Variants in RGMB observed in about 807,000 individuals in gnomAD.
The protein encoded by RGMB is repulsive guidance molecule B.
In RGMB, 16 loss-of-function variants were observed where a neutral mutation model predicts 26.9. That is an observed-to-expected ratio of 0.60 (90% CI 0.40 to 0.90). The LOEUF (loss-of-function observed/expected upper bound fraction) is 0.90, where lower values mean the gene tolerates loss of function less well. Among genes scored for constraint, RGMB ranks in the 40% least tolerant of loss-of-function variants. RGMB has a pLI of 0.00. For missense variants in RGMB, 512 were observed against 573.3 expected (o/e 0.89, Z 1.09); for synonymous variants, 225 against 229.3 (o/e 0.98, Z 0.17).
intron 1 of RGMB, among the ~76,000 whole-genome samples, chr5:98,776,249 T>G (rs1746396408): frequency 6.6e-6 from 1 of 152,260 alleles, no homozygotes; most frequent in Non-Finnish European, 1.5e-5. Flanking sequence ...GTGAAAATAC[T>G]GTCACACTGA....
intron 2 of RGMB, among the ~76,000 whole-genome samples, chr5:98,786,131 T>C (rs1580287115): frequency 6.6e-6 from 1 of 152,244 alleles, no homozygotes. Flanking sequence ...GTTTCATTCA[T>C]ACACATTAAA....
rs1360989814 is a variant in RGMB, at chr5:98,796,466, AAAAT to A, written c.*2717_*2720del. On this transcript the variant is annotated 3_prime_UTR_variant, in exon 3 of 3. Transcript: ENST00000513185. ...AAATACTTTAAATTATTATGCTAGA[AAAAT>A]AAAGTTACATACCTTGCTGTGGAAT... 3 of 152,002 alleles carry A rather than the reference AAAAT, an allele frequency of 2.0e-5. No homozygotes were observed. Among genetic ancestry groups the A allele is most frequent in the Admixed American group, 1.3e-4 (2 of 15,220 alleles). 9.4% of individuals were successfully genotyped at this position (152,002 alleles called of 1,614,324 possible).
chr5:98,787,816 C>G (rs934891389), intron 2 of RGMB, among the ~76,000 whole-genome samples: 3 of 152,200 alleles, frequency 2.0e-5, no homozygotes, highest in African/African-American at 7.2e-5. Context: ...TCTTGGGAAG[C>G]AGCATTTTTG....
In RGMB at chr5:98,773,874, C is replaced by T. The variant is rs1322753056; in HGVS notation, c.-197C>T. On this transcript the variant is annotated 5_prime_UTR_variant, in exon 1 of 3. Coordinates refer to ENST00000513185, the MANE Select transcript of RGMB (RefSeq NM_001366508.1). ...ACGATGCCCCTGCGCCCCGCTGCTGCCGCCGCGGACTGGCTGCGCCGGCTG... is the reference window on the plus strand; with the variant it reads ...ACGATGCCCCTGCGCCCCGCTGCTGTCGCCGCGGACTGGCTGCGCCGGCTG... 3 of 505,700 alleles carry T rather than the reference C, an allele frequency of 5.9e-6. No homozygotes were observed. The African/African-American group carries it at 6.2e-5, about 10-fold the overall frequency. 31.3% of individuals were successfully genotyped at this position (505,700 alleles called of 1,614,324 possible).
chr5:98,782,977 C>T (rs1746655003), intron 2 of RGMB, among the ~76,000 whole-genome samples: 1 of 152,224 alleles, frequency 6.6e-6, no homozygotes, highest in Non-Finnish European at 1.5e-5. Flanking sequence ...GCAGTGAGTT[C>T]AAGGCAGACA....
upstream of RGMB, chr5:98,773,307 C>T (rs1233923119): frequency 1.3e-5 from 2 of 152,120 alleles, no homozygotes; most frequent in Non-Finnish European, 2.9e-5. Context: ...AAGGCCGGTA[C>T]CTTTGTAACG....
chr5:98,780,341 A>G (rs2112351993), intron 2 of RGMB: 2 of 419,786 alleles, frequency 4.8e-6, no homozygotes, highest in Admixed American at 8.0e-5. Flanking sequence ...TGAGTTCTCC[A>G]GGGAAAAGGC....
At chr5:98,772,598 G>T (rs1424589136), upstream of RGMB, 1 of 152,156 alleles carries the variant, frequency 6.6e-6, no homozygotes, top group Non-Finnish European at 1.5e-5. Context: ...TCATTCTTGA[G>T]ATTAGATACC....
At chr5:98,781,235 C>G (rs1746595987) in intron 2 of RGMB, 1 of 152,164 alleles carries the variant, frequency 6.6e-6, no homozygotes, top group Non-Finnish European at 1.5e-5. Flanking sequence ...TGCAGACACC[C>G]TGGGGTGTCA....
intron 2 of RGMB, among the ~76,000 whole-genome samples, chr5:98,785,533 A>G (rs1746745096): frequency 6.6e-6 from 1 of 152,196 alleles, no homozygotes; most frequent in Non-Finnish European, 1.5e-5. Flanking sequence ...CACCTCCCAC[A>G]GTAAGAATGC....
intron 1 of RGMB, 33 bp downstream of exon 1, chr5:98,774,239 C>T (rs758734756): frequency 1.3e-5 from 18 of 1,382,392 alleles, no homozygotes; most frequent in African/African-American, 9.1e-5. Context: ...GAGCCAGCCC[C>T]GGGGCCTAGG....
At chr5:98,779,480 A>G (rs1402022927) in intron 1 of RGMB, 100 bp from the exon 2 acceptor site, 1 of 1,244,188 alleles carries the variant, frequency 8.0e-7, no homozygotes, top group East Asian at 2.4e-5. Flanking sequence ...CAGTGTATAA[A>G]ATAGAACAAA....
intron 2 of RGMB, among the ~76,000 whole-genome samples, chr5:98,783,163 C>A (rs1746661876): frequency 1.3e-5 from 2 of 152,188 alleles, no homozygotes; most frequent in African/African-American, 4.8e-5. Context: ...CTGTGCCTGC[C>A]TCCCTCTCTT....
intron 2 of RGMB, among the ~76,000 whole-genome samples, chr5:98,786,464 A>G (rs1746769941): frequency 6.6e-6 from 1 of 152,234 alleles, no homozygotes; most frequent in Admixed American, 6.5e-5. Flanking sequence ...CTTTGAGTCA[A>G]CATTTTGAGG....
At chr5:98,781,142 G>A (rs140042327) in intron 2 of RGMB, 3 of 152,292 alleles carry the variant, frequency 2.0e-5, no homozygotes, top group African/African-American at 7.2e-5. Context: ...GTCTAAACAT[G>A]TGTGGTATAC....
intron 1 of RGMB, among the ~76,000 whole-genome samples, chr5:98,778,203 A>G (rs1746475005): frequency 6.6e-6 from 1 of 152,250 alleles, no homozygotes; most frequent in Admixed American, 6.5e-5. Context: ...GCAGTTTACT[A>G]GTGAAAATGT....
chr5:98,774,719 C>T (rs946589659), intron 1 of RGMB, among the ~76,000 whole-genome samples: 2 of 152,126 alleles, frequency 1.3e-5, no homozygotes, highest in Non-Finnish European at 2.9e-5. Context: ...GAGTTAATCT[C>T]GAAGTAACGT....
chr5:98,774,691 C>G (rs921831916), intron 1 of RGMB, among the ~76,000 whole-genome samples: 1 of 152,172 alleles, frequency 6.6e-6, no homozygotes, highest in African/African-American at 2.4e-5. Context: ...AGATTTTTAC[C>G]AGATTTTGCA....
intron 1 of RGMB, among the ~76,000 whole-genome samples, chr5:98,777,650 T>A (rs1174411474): frequency 6.6e-6 from 1 of 152,098 alleles, no homozygotes; most frequent in Non-Finnish European, 1.5e-5. Context: ...CCTTTTGGAG[T>A]TGTTTAGTTG....
Sources: allele counts gnomAD v4.1 joint callset (sites outside exome capture counted in the v4.1 genomes callset), GRCh38; gene constraint gnomAD v4.1.1; transcripts MANE v1.5; gene names NCBI Gene and HGNC (gene_info 2026-07-23, HGNC 2026-07-21).